The following CYRIB variants were observed in gnomAD, a reference collection of about 807,000 sequenced individuals.
The protein encoded by CYRIB is CYFIP-related Rac1 interactor B.
In CYRIB, 8 loss-of-function variants were observed where a neutral mutation model predicts 44.2. The ratio of observed to expected loss-of-function variants is 0.18; its 90% confidence interval spans 0.11 to 0.33. The LOEUF (loss-of-function observed/expected upper bound fraction) is 0.33, where lower values mean the gene tolerates loss of function less well. Ranked by LOEUF, CYRIB falls within the 10% of genes least tolerant of loss-of-function variation. The pLI is 1.00. For synonymous variants in CYRIB, 131 were observed against 127.2 expected, an observed-to-expected ratio of 1.03 and a Z score of -0.20; for missense variants, 185 against 382.8, an observed-to-expected ratio of 0.48 and a Z score of 4.31.
At chr8:130,004,525 T>C (rs2096988766) in intron 1 of CYRIB, 1 of 152,200 alleles carries the variant, frequency 6.6e-6, no homozygotes, top group Non-Finnish European at 1.5e-5. Flanking sequence ...TGTATTTGTT[T>C]CTACAGGTTT....
At chr8:129,949,674 C>T (rs2094398275) in intron 2 of CYRIB, among the ~76,000 whole-genome samples, 1 of 151,732 alleles carries the variant, frequency 6.6e-6, no homozygotes, top group South Asian at 2.1e-4. Context: ...TCGAGACCAG[C>T]CTGACCAACA....
At chr8:129,876,316 G>GCTGAGATCATGCCGCTGCA (rs1554724598) in intron 3 of CYRIB, among the ~76,000 whole-genome samples, 3 of 152,136 alleles carry the variant, frequency 2.0e-5, no homozygotes, top group Non-Finnish European at 4.4e-5. Context: ...GCTGCAGTGA[G>GCTGAGATCATGCCGCTGCA]CTGAGATCAT....
At chr8:129,996,959 A>G (rs1016069956) in intron 1 of CYRIB, among the ~76,000 whole-genome samples, 1 of 151,986 alleles carries the variant, frequency 6.6e-6, no homozygotes, top group Admixed American at 6.6e-5. Context: ...CAAATATACC[A>G]GCGTGAACAC....
At chr8:129,885,992 C>T (rs1666927945) in intron 2 of CYRIB, among the ~76,000 whole-genome samples, 3 of 152,190 alleles carry the variant, frequency 2.0e-5, no homozygotes, top group South Asian at 4.1e-4. Flanking sequence ...TACACCCACC[C>T]TCTGTACCTG....
chr8:129,852,302 G>A, intron 7 of CYRIB, 24 bp from the exon 10 acceptor site: 1 of 1,393,960 alleles, frequency 7.2e-7, no homozygotes, highest in East Asian at 2.6e-5. Context: ...AAAAGCACTG[G>A]ATGTTAGTTC....
chr8:129,946,875 T>C (rs532423501), intron 2 of CYRIB, among the ~76,000 whole-genome samples: 10 of 152,212 alleles, frequency 6.6e-5, no homozygotes, highest in African/African-American at 2.4e-4. Flanking sequence ...CAAGTACACT[T>C]TCCAGTCTCT....
chr8:129,912,459 GTT>G (rs1175245281), intron 1 of CYRIB: 4 of 149,004 alleles, frequency 2.7e-5, no homozygotes, highest in Non-Finnish European at 5.9e-5. Flanking sequence ...TTATGACCAA[GTT>G]TGGCTTACCT....
intron 5 of CYRIB, among the ~76,000 whole-genome samples, chr8:129,859,323 T>A (rs1390903021): frequency 6.6e-6 from 1 of 152,146 alleles, no homozygotes; most frequent in Non-Finnish European, 1.5e-5. Flanking sequence ...GTGTACAAGA[T>A]GGAACATAAA....
intron 1 of CYRIB, among the ~76,000 whole-genome samples, chr8:130,006,660 A>G (rs199993051): frequency 0.061 from 3,140 of 51,596 alleles, 422 homozygotes; most frequent in Middle Eastern, 0.11. Context: ...ACATATATAT[A>G]TGTATATATA....
intron 1 of CYRIB, among the ~76,000 whole-genome samples, chr8:129,973,704 T>C (rs962377464): frequency 3.3e-5 from 5 of 152,218 alleles, no homozygotes; most frequent in African/African-American, 1.2e-4. Flanking sequence ...TACTCGCCTG[T>C]AGTCCCAGCT....
rs1587117226 is a variant in CYRIB, at chr8:129,851,092, A to G, written c.634-178T>C. 7 of 581,726 alleles carry G rather than the reference A, an allele frequency of 1.2e-5. No individual in the cohort carries two copies. The East Asian group carries it at 2.0e-4, about 17-fold the overall frequency. The allele number at this position is 581,726 out of a possible 1,614,324, so 36.0% of individuals were successfully genotyped here. A position where few individuals can be genotyped will look rare whatever the true frequency, so the allele number is the denominator to read the frequency against. On this transcript the variant is annotated intron_variant, in intron 8 of 11. Transcript: ENST00000519824. ...TGTTCCAAGCACTGGGGATACAGCT[A>G]TGAGCAAGACAGCGAAGGCAGGACT...
At chr8:129,971,319 C>G (rs2095682441) in intron 1 of CYRIB, among the ~76,000 whole-genome samples, 1 of 152,130 alleles carries the variant, frequency 6.6e-6, no homozygotes, top group African/African-American at 2.4e-5. Flanking sequence ...TCTTGAACTC[C>G]TGACCTCAAG....
At chr8:129,987,568 CT>C (rs34876735) in intron 1 of CYRIB, among the ~76,000 whole-genome samples, 6,020 of 126,842 alleles carry the variant, frequency 0.047, 334 homozygotes, top group African/African-American at 0.17. Context: ...TTTTTTTTTT[CT>C]TTTTTTTTTT....
intron 2 of CYRIB, among the ~76,000 whole-genome samples, chr8:129,891,490 A>G (rs1203142109): frequency 6.6e-6 from 1 of 152,234 alleles, no homozygotes; most frequent in Non-Finnish European, 1.5e-5. Flanking sequence ...AGGAAGAGAC[A>G]GAGAGATTAG....
At chr8:129,925,047 C>T (rs1195862814) in intron 1 of CYRIB, among the ~76,000 whole-genome samples, 1 of 152,176 alleles carries the variant, frequency 6.6e-6, no homozygotes, top group Non-Finnish European at 1.5e-5. Flanking sequence ...TTCCACCTTG[C>T]TAACCTTGGG....
chr8:129,840,402 T>G (rs2035784030), exon 12 of CYRIB: 1 of 152,242 alleles, frequency 6.6e-6, no homozygotes, highest in Non-Finnish European at 1.5e-5. Flanking sequence ...AGCTAGTCAT[T>G]GAATTTAGGG....
At chr8:130,012,189 C>T (rs190411576) in intron 1 of CYRIB, among the ~76,000 whole-genome samples, 189 of 152,144 alleles carry the variant, frequency 1.2e-3, no homozygotes, top group African/African-American at 4.1e-3. Context: ...GCTAGTAAGT[C>T]CTCCAAAAGA....
At position 129,893,843 on chromosome 8, in the gene CYRIB, T is replaced by C. The variant is rs964508971; in HGVS notation, c.-11+9469A>G. On this transcript the variant is annotated intron_variant, in intron 2 of 11. Transcript: ENST00000519824. Reference sequence around the variant, plus strand: ...CCATCACACTAGGCCTTTTTTTTTTTTTCCAGCATGGTTTCCTTGCCAAAC... The same window carrying C: ...CCATCACACTAGGCCTTTTTTTTTTCTTCCAGCATGGTTTCCTTGCCAAAC... Among the ~76,000 whole-genome samples the C allele has an allele frequency of 2.6e-5, 4 of 152,142 alleles. No individual in the cohort carries two copies. In the South Asian group the frequency reaches 6.2e-4, roughly 24 times the overall value.
intron 2 of CYRIB, among the ~76,000 whole-genome samples, chr8:129,889,937 C>T (rs1021733509): frequency 4.6e-5 from 7 of 152,006 alleles, no homozygotes; most frequent in Non-Finnish European, 1.0e-4. Flanking sequence ...TCACAGCCAG[C>T]TGATTTTTTG....
Sources: gnomAD v4.1 joint callset for allele counts (sites outside exome capture counted in the v4.1 genomes callset) on GRCh38, gnomAD v4.1.1 for gene constraint, MANE v1.5 for transcripts, NCBI Gene and HGNC (gene_info 2026-07-23, HGNC 2026-07-21) for gene names.